The following ARHGEF1 variants were observed in gnomAD, a reference collection of about 807,000 sequenced individuals.
ARHGEF1 encodes 115 kDa guanine nucleotide exchange factor.
A neutral mutation model predicts 119.7 loss-of-function variants in ARHGEF1; 40 were observed. That is an observed-to-expected ratio of 0.33 (90% CI 0.26 to 0.44). The LOEUF is 0.44. Ranked by LOEUF, ARHGEF1 falls within the 20% of genes least tolerant of loss-of-function variation. The pLI is 1.00. For synonymous variants in ARHGEF1, 494 were observed against 521.0 expected, an observed-to-expected ratio of 0.95 and a Z score of 0.71; for missense variants, 976 against 1,268.3, an observed-to-expected ratio of 0.77 and a Z score of 3.50.
chr19:41,915,946 C>G (rs1364861393), intron 18 of ARHGEF1, among the ~76,000 whole-genome samples: 2 of 152,126 alleles, frequency 1.3e-5, no homozygotes, highest in Admixed American at 1.3e-4. Context: ...CCCTCCCCCC[C>G]GCCGGCCGGC....
chr19:41,896,538 G>A (rs781872866), intron 13 of ARHGEF1, 56 bp downstream of exon 13: 135 of 1,368,738 alleles, frequency 9.9e-5, no homozygotes, highest in Non-Finnish European at 1.0e-4. Context: ...GCTGGTGGGT[G>A]GGTGCAGGGT....
At chr19:41,915,187 CG>C (rs2074792779) in intron 18 of ARHGEF1, among the ~76,000 whole-genome samples, 1 of 136,284 alleles carries the variant, frequency 7.3e-6, no homozygotes, top group Non-Finnish European at 1.6e-5. Context: ...TTTCTCTTCC[CG>C]ACGCTTTCAA....
At chr19:41,920,814 G>A (rs544399449), upstream of ARHGEF1, among the ~76,000 whole-genome samples, 4 of 152,374 alleles carry the variant, frequency 2.6e-5, no homozygotes, top group South Asian at 8.3e-4. Context: ...GGGAAGGTGT[G>A]TCTGCTACCC....
intron 18 of ARHGEF1, chr19:41,912,716 G>A: frequency 2.5e-6 from 1 of 401,644 alleles, no homozygotes; most frequent in Non-Finnish European, 4.4e-6. Flanking sequence ...GTTTGATTTG[G>A]GGGACTGACC....
downstream of ARHGEF1, chr19:41,908,072 C>CA (rs1198809168): frequency 1.4e-5 from 7 of 497,164 alleles, no homozygotes; most frequent in African/African-American, 1.2e-4. The surrounding 1 kb of genome is among the most constrained non-coding windows in gnomAD (Gnocchi z 6.7). Context: ...AAGTGAGACC[C>CA]CCCCCACTCT....
chr19:41,910,333 A>G (rs1479241882), downstream of ARHGEF1, among the ~76,000 whole-genome samples: 8 of 151,966 alleles, frequency 5.3e-5, no homozygotes, highest in African/African-American at 1.9e-4. This position sits in a 1 kb window ranked among gnomAD's most constrained non-coding sequence, Gnocchi z 4.4. Context: ...CTGATCCCCT[A>G]CCTTGGCATA....
At position 41,904,010 on chromosome 19, in the gene ARHGEF1, A is replaced by C; in HGVS notation, c.1918-25A>C. ...CCAATCACCCCCTGCCAACCTGCAC[A>C]AACCATCACCCCCTCCTGCCCCAGA... is the stretch of plus-strand genomic sequence containing the variant. On this transcript the variant is annotated intron_variant, in intron 20 of 28. Coordinates refer to ENST00000354532, the MANE Select transcript of ARHGEF1 (RefSeq NM_004706.4). This position sits in a 1 kb window ranked among gnomAD's most constrained non-coding sequence, Gnocchi z 8.4. 1.9e-6 allele frequency: 3 copies of C among 1,606,776 alleles called. No homozygotes were observed. The highest frequency in any genetic ancestry group is 2.2e-5 in the South Asian group (2 of 90,846).
chr19:41,905,464 ATGTG>A lies in ARHGEF1; in HGVS notation c.2336+208_2336+211del, dbSNP rs1405038716. 1.6e-5 allele frequency: 10 copies of A among 617,248 alleles called. No homozygotes were observed. The highest frequency in any genetic ancestry group is 2.3e-5 in the Non-Finnish European group (8 of 352,146). The allele number at this position is 617,248 out of a possible 1,614,324, so 38.2% of individuals were successfully genotyped here. On this transcript the variant is annotated intron_variant, in intron 24 of 28. Transcript: ENST00000354532. This position sits in a 1 kb window ranked among gnomAD's most constrained non-coding sequence, Gnocchi z 6.4. The stretch of plus-strand genomic sequence containing the variant: ...TGTATGCATGCATGTGTGCGTGTGC[ATGTG>A]TGTGCGTGTATGGTGTGTGTGTATG...
intron 1 of ARHGEF1, among the ~76,000 whole-genome samples, chr19:41,926,712 G>A (rs566432120): frequency 6.6e-6 from 1 of 152,150 alleles, no homozygotes; most frequent in South Asian, 2.1e-4. Context: ...GCGGCCGGCC[G>A]GGAGGGGGGA....
In ARHGEF1 at chr19:41,894,607, T is replaced by C; in HGVS notation, c.842-19T>C. On this transcript the variant is annotated intron_variant, in intron 10 of 28. Coordinates refer to ENST00000354532, the MANE Select transcript of ARHGEF1 (RefSeq NM_004706.4). ...TCCCCAGCTGCTCCCACTCACTGTC[T>C]CATTCTCTCTCGTTTCAGTTCCAGA... The C allele has an allele frequency of 6.2e-7, 1 of 1,614,042 alleles. No individual in the cohort carries two copies. The highest frequency in any genetic ancestry group is 1.1e-5 in the South Asian group (1 of 91,088).
chr19:41,914,710 A>ATCTCTG lies in ARHGEF1; in HGVS notation c.1865+7913_1865+7918dup, dbSNP rs1253655344. 3.8e-3 allele frequency among the ~76,000 whole-genome samples: 16 copies of ATCTCTG among 4,214 alleles called. 5 individuals are homozygous for ATCTCTG. The highest frequency in any genetic ancestry group is 6.1e-3 in the Admixed American group (2 of 330). 2.8% of individuals were successfully genotyped at this position (4,214 alleles called of 152,430 possible). A position where few individuals can be genotyped will look rare whatever the true frequency, so the allele number is the denominator to read the frequency against. ...CTCTGTCTCTCCCTCCCCTTCCACC[A>ATCTCTG]TCTCTGTCTCTCCCTCCCCTTCCAC... On this transcript the variant is annotated intron_variant, in intron 18 of 20. Coordinates refer to the ARHGEF1 transcript ENST00000599589.
chr19:41,921,288 A>G (rs2074840900), upstream of ARHGEF1, among the ~76,000 whole-genome samples: 1 of 152,006 alleles, frequency 6.6e-6, no homozygotes, highest in South Asian at 2.1e-4. The surrounding 1 kb of genome is among the most constrained non-coding windows in gnomAD (Gnocchi z 4.4). Flanking sequence ...TGCAGGGAGG[A>G]AGAGAGACCG....
downstream of ARHGEF1, chr19:41,907,861 G>T (rs1368322890): frequency 9.7e-6 from 2 of 206,744 alleles, no homozygotes; most frequent in East Asian, 1.0e-4. Flanking sequence ...TATGGGGGGG[G>T]TGTCAGGACT....
chr19:41,886,189 G>A (rs1568807144), intron 1 of ARHGEF1, among the ~76,000 whole-genome samples: 1 of 152,114 alleles, frequency 6.6e-6, no homozygotes, highest in Non-Finnish European at 1.5e-5. Context: ...GTCACCGAGA[G>A]GATTAAATGA....
chr19:41,908,237 G>A (rs782086820), downstream of ARHGEF1: 289 of 1,231,716 alleles, frequency 2.3e-4, 1 homozygote, highest in Admixed American at 4.6e-4. This position sits in a 1 kb window ranked among gnomAD's most constrained non-coding sequence, Gnocchi z 6.7. Flanking sequence ...CTCAGCTGCC[G>A]GTCCCCCCTT....
chr19:41,899,062 G>A (rs782543745), intron 14 of ARHGEF1, among the ~76,000 whole-genome samples: 3 of 152,114 alleles, frequency 2.0e-5, no homozygotes, highest in Non-Finnish European at 4.4e-5. Flanking sequence ...GCACAATCAC[G>A]GCTCACTGCA....
chr19:41,892,570 GCT>G lies in ARHGEF1; in HGVS notation c.368-32_368-31del. ...GGACCGTGGTCCAAGCCACCAGGGA[GCT>G]GGACCCTAGCCCCCATGTGTGTCCC... On this transcript the variant is annotated intron_variant, in intron 6 of 28. Transcript: ENST00000354532. The surrounding 1 kb of genome is among the most constrained non-coding windows in gnomAD (Gnocchi z 6.3). 2 of 1,567,634 alleles carry G rather than the reference GCT, an allele frequency of 1.3e-6. No homozygotes were observed. Among genetic ancestry groups the G allele is most frequent in the Non-Finnish European group, 1.7e-6 (2 of 1,151,986 alleles).
At position 41,906,614 on chromosome 19, in the gene ARHGEF1, G is replaced by T. The variant is rs375584355; in HGVS notation, c.2649G>T (p.Gln883His). ...NLLSLEETMKQLEELEEEFCR... is the reference protein window; with the variant it reads ...NLLSLEETMKHLEELEEEFCR... ...TCAGCTTGGAGGAGACCATGAAGCAGCTGGAGGTGGGGCGGGACGGGCCAG... is the reference window on the plus strand; with the variant it reads ...TCAGCTTGGAGGAGACCATGAAGCATCTGGAGGTGGGGCGGGACGGGCCAG... Residue 883 changes from glutamine to histidine, a missense_variant, in exon 27 of 29, where the codon CAG becomes CAT. Transcript: ENST00000354532. The surrounding 1 kb of genome is among the most constrained non-coding windows in gnomAD (Gnocchi z 4.5). The T allele has an allele frequency of 6.2e-7, 1 of 1,605,468 alleles. No homozygotes were observed. The highest frequency in any genetic ancestry group is 8.5e-7 in the Non-Finnish European group (1 of 1,177,146).
At chr19:41,908,597 G>A (rs142057798), downstream of ARHGEF1, 319 of 1,231,868 alleles carry the variant, frequency 2.6e-4, 3 homozygotes, top group East Asian at 9.1e-3. The surrounding 1 kb of genome is among the most constrained non-coding windows in gnomAD (Gnocchi z 6.7). Flanking sequence ...TGAGGTACGG[G>A]TTAAAGTTCC....
Sources: gnomAD v4.1 joint callset for allele counts (sites outside exome capture counted in the v4.1 genomes callset) on GRCh38, gnomAD v4.1.1 for gene constraint, Gnocchi (gnomAD v3.1) non-coding constraint, MANE v1.5 for transcripts, NCBI Gene and HGNC (gene_info 2026-07-23, HGNC 2026-07-21) for gene names.